The following ACSBG2 variants were observed in gnomAD, a reference collection of about 807,000 sequenced individuals.
The protein encoded by ACSBG2 is long-chain-fatty-acid--CoA ligase ACSBG2.
ACSBG2 carries 62 observed loss-of-function variants against 74.7 expected under a neutral mutation model. That is an observed-to-expected ratio of 0.83 (90% CI 0.68 to 1.03). The LOEUF (loss-of-function observed/expected upper bound fraction) is 1.03. ACSBG2 is among the 50% of genes least tolerant of loss of function. The pLI, the probability that ACSBG2 is intolerant of heterozygous loss-of-function variation, is 0.00. For missense variants in ACSBG2, 730 were observed against 817.6 expected, an observed-to-expected ratio of 0.89 and a Z score of 1.31; for synonymous variants, 309 against 294.1, an observed-to-expected ratio of 1.05 and a Z score of -0.52.
At chr19:6,164,373 C>A (rs1051720132) in intron 6 of ACSBG2, among the ~76,000 whole-genome samples, 1 of 151,990 alleles carries the variant, frequency 6.6e-6, no homozygotes, top group Non-Finnish European at 1.5e-5. Flanking sequence ...TCAGATGAAG[C>A]CAGCATCACC....
intron 1 of ACSBG2, among the ~76,000 whole-genome samples, chr19:6,139,893 A>T (rs2088753106): frequency 6.6e-6 from 1 of 152,124 alleles, no homozygotes. Context: ...AGCCTGACCA[A>T]CATGGAGAAA....
intron 14 of ACSBG2, 120 bp downstream of exon 14, chr19:6,190,812 T>TACAG: frequency 6.0e-6 from 2 of 335,284 alleles, no homozygotes; most frequent in Non-Finnish European, 1.2e-5. Flanking sequence ...CACACATACA[T>TACAG]ACACACACAC....
intron 13 of ACSBG2, chr19:6,190,295 G>T (rs765100897): frequency 5.5e-4 from 192 of 351,790 alleles, no homozygotes; most frequent in Admixed American, 2.6e-4. Context: ...ATAGGGGTAT[G>T]GTTTGAGATG....
rs905839661 is a variant in ACSBG2, at chr19:6,180,623, T to A, written c.907-2128T>A. ...GTCAATCTGAATAGTGACAAAAGTG[T>A]CTTAATATTTTCAGAAATTTCCAGA... On this transcript the variant is annotated intron_variant, in intron 8 of 14. Transcript: ENST00000588485. The surrounding 1 kb of genome is among the most constrained non-coding windows in gnomAD (Gnocchi z 4.3). Among the ~76,000 whole-genome samples, 26 of 152,324 alleles carry A rather than the reference T, an allele frequency of 1.7e-4. No homozygotes were observed. Among genetic ancestry groups the A allele is most frequent in the Admixed American group, 4.6e-4 (7 of 15,294 alleles).
intron 10 of ACSBG2, among the ~76,000 whole-genome samples, chr19:6,184,874 G>GAAAAAAAAAAA (rs1305163415): frequency 1.6e-3 from 79 of 49,202 alleles, no homozygotes; most frequent in Non-Finnish European, 2.6e-3. Context: ...AAAAAAAAAC[G>GAAAAAAAAAAA]AAAAACAGCC....
intron 4 of ACSBG2, among the ~76,000 whole-genome samples, chr19:6,156,079 T>C (rs2089411286): frequency 6.6e-6 from 1 of 152,074 alleles, no homozygotes; most frequent in African/African-American, 2.4e-5. Flanking sequence ...CAAAAGGCTG[T>C]GAATGATGGG....
intron 5 of ACSBG2, among the ~76,000 whole-genome samples, chr19:6,158,447 T>C (rs1266178361): frequency 6.6e-6 from 1 of 152,050 alleles, no homozygotes; most frequent in African/African-American, 2.4e-5. Context: ...TACGTTTTTT[T>C]TTTTTTTTCA....
At chr19:6,187,444 TG>T (rs1156684005) in intron 12 of ACSBG2, 22 bp downstream of exon 12, 5 of 1,613,512 alleles carry the variant, frequency 3.1e-6, no homozygotes, top group Non-Finnish European at 4.2e-6. Context: ...TTGCTGTCAT[TG>T]GGGGAAGTCT....
At chr19:6,161,652 G>A (rs1413676704) in intron 6 of ACSBG2, 1 of 197,072 alleles carries the variant, frequency 5.1e-6, no homozygotes, top group South Asian at 9.1e-5. Context: ...GATGTGGGTG[G>A]GGCTTCATAA....
At chr19:6,143,382 T>TG (rs2088916947) in intron 2 of ACSBG2, among the ~76,000 whole-genome samples, 3 of 89,060 alleles carry the variant, frequency 3.4e-5, no homozygotes, top group African/African-American at 7.0e-5. Context: ...AGACTCTGTC[T>TG]CAAAAAAACA....
intron 6 of ACSBG2, among the ~76,000 whole-genome samples, chr19:6,162,554 A>G (rs182030662): frequency 0.035 from 4,760 of 134,116 alleles, 163 homozygotes; most frequent in African/African-American, 0.094. Context: ...GCAACAGAGC[A>G]AGACTCCGTC....
chr19:6,149,879 A>G (rs2089174923), intron 3 of ACSBG2, among the ~76,000 whole-genome samples: 1 of 143,562 alleles, frequency 7.0e-6, no homozygotes, highest in Admixed American at 6.7e-5. Flanking sequence ...CCTGGCCTCA[A>G]GAGATCCACC....
chr19:6,186,851 T>C (rs1206586408), intron 11 of ACSBG2, among the ~76,000 whole-genome samples: 2 of 152,134 alleles, frequency 1.3e-5, no homozygotes, highest in African/African-American at 4.8e-5. Context: ...ACTACAGGCG[T>C]GTGCCACCAC....
chr19:6,169,058 C>G (rs752559253), intron 7 of ACSBG2, among the ~76,000 whole-genome samples: 1 of 152,196 alleles, frequency 6.6e-6, no homozygotes, highest in Non-Finnish European at 1.5e-5. Flanking sequence ...GAATTACAGG[C>G]GTGAGCCATG....
At chr19:6,141,689 C>G in intron 2 of ACSBG2, 79 bp downstream of exon 2, 1 of 978,772 alleles carries the variant, frequency 1.0e-6, no homozygotes, top group South Asian at 1.4e-5. Context: ...GAGTCTGGAT[C>G]TAGAAAGATG....
intron 13 of ACSBG2, chr19:6,190,245 G>A: frequency 4.4e-6 from 1 of 226,894 alleles, no homozygotes. Flanking sequence ...AGAGGAACTG[G>A]TCCTCTCTAT....
At chr19:6,179,203 T>G (rs1452099426) in intron 8 of ACSBG2, among the ~76,000 whole-genome samples, 1 of 152,202 alleles carries the variant, frequency 6.6e-6, no homozygotes, top group Admixed American at 6.5e-5. Flanking sequence ...TGCCTTCTTT[T>G]TTGGATTATT....
chr19:6,144,786 C>T (rs990985166), intron 2 of ACSBG2, among the ~76,000 whole-genome samples: 1 of 151,928 alleles, frequency 6.6e-6, no homozygotes, highest in Non-Finnish European at 1.5e-5. Flanking sequence ...CCTCTGCCTC[C>T]CGGGTTCAAG....
chr19:6,177,401 GA>G lies in ACSBG2; in HGVS notation c.906+6del. On this transcript the variant is annotated splice_donor_region_variant and intron_variant, in intron 8 of 14. Transcript: ENST00000588485. ...GCTCAAGCAGATGCTCTCAAGGTAA[GA>G]TTGAGTAAGGACCTGGGGCTCCGAC... The G allele has an allele frequency of 1.3e-6, 2 of 1,586,032 alleles. No homozygotes were observed. The highest frequency in any genetic ancestry group is 1.7e-6 in the Non-Finnish European group (2 of 1,167,086).
Sources: allele counts gnomAD v4.1 joint callset (sites outside exome capture counted in the v4.1 genomes callset), GRCh38; gene constraint gnomAD v4.1.1; non-coding constraint Gnocchi (gnomAD v3.1); transcripts MANE v1.5; gene names NCBI Gene and HGNC (gene_info 2026-07-23, HGNC 2026-07-21).